The following UBASH3A variants were observed in gnomAD, a reference collection of about 807,000 sequenced individuals.
UBASH3A encodes the protein ubiquitin associated and SH3 domain containing A.
Under a neutral mutation model 73.5 loss-of-function variants are expected in UBASH3A, and 63 were observed. The observed-to-expected ratio is 0.86, with a 90% CI of 0.70 to 1.06. The LOEUF is 1.06. Ranked by LOEUF, UBASH3A falls within the 50% of genes least tolerant of loss-of-function variation. UBASH3A has a pLI of 0.00. For synonymous variants in UBASH3A, 363 were observed against 351.1 expected, an observed-to-expected ratio of 1.03 and a Z score of -0.38; for missense variants, 860 against 859.0, an observed-to-expected ratio of 1.00 and a Z score of -0.02.
intron 2 of UBASH3A, 97 bp downstream of exon 2, chr21:42,406,458 G>A (rs75916108): frequency 0.033 from 34,933 of 1,074,104 alleles, 717 homozygotes; most frequent in Non-Finnish European, 0.04. Flanking sequence ...GGAAGAGCCG[G>A]GCGCCTCTGG....
chr21:42,419,433 A>G (rs1433379249), intron 7 of UBASH3A, among the ~76,000 whole-genome samples: 1 of 152,226 alleles, frequency 6.6e-6, no homozygotes, highest in Non-Finnish European at 1.5e-5. Flanking sequence ...GACCAACATC[A>G]TCGCTTACAA....
In UBASH3A at chr21:42,434,888, G is replaced by A. The variant is rs2053599692; in HGVS notation, c.1327G>A (p.Gly443Arg). The change falls in exon 10 of 15, where the codon GGG (glycine) becomes AGG (arginine). Residue 443 changes from glycine (G) to arginine (R), a missense_variant. By Grantham distance (125) the Gly-to-Arg change is moderately radical. Coordinates refer to ENST00000319294, the MANE Select transcript of UBASH3A (RefSeq NM_018961.4). ...CTGCAGTCTGCCAAGACGGAGTCGT[G>A]GGATCAAAGACTTTGAAAACGATCC... ...FPCSLPRRSR[G>R]IKDFENDPPL... is the part of the protein sequence containing the mutation. The A allele has an allele frequency of 3.7e-6, 6 of 1,614,184 alleles. No homozygotes were observed. The East Asian group carries it at 1.3e-4, about 36-fold the overall frequency.
In UBASH3A at chr21:42,422,693, A is replaced by G. The variant is rs1601579622; in HGVS notation, c.1047-4004A>G. On this transcript the variant is annotated intron_variant, in intron 7 of 14. Transcript: ENST00000319294. ...TAAAATAATTAAAAGGGAGAATTTT[A>G]TATATTGATTTGAAAAAATATGCAA... 2.0e-5 allele frequency among the ~76,000 whole-genome samples: 3 copies of G among 152,382 alleles called. No homozygotes were observed. The East Asian group carries it at 5.8e-4, about 29-fold the overall frequency.
At chr21:42,427,983 A>C (rs148346247) in intron 8 of UBASH3A, among the ~76,000 whole-genome samples, 1 of 152,244 alleles carries the variant, frequency 6.6e-6, no homozygotes, top group African/African-American at 2.4e-5. Context: ...GCCTTTAAAG[A>C]GGTATTTAAG....
rs1293122541 is a variant in UBASH3A at position 42,434,860 on chromosome 21, C to T, written c.1299C>T (p.Phe433=). Residue 433 remains phenylalanine, a synonymous_variant, in exon 10 of 15, where the codon TTC becomes TTT. Transcript: ENST00000319294. The part of the protein sequence containing the change: ...DGKYYRPDLN[F]PCSLPRRSRG... ...AATACTACAGGCCAGACCTGAATTT[C>T]CCCTGCAGTCTGCCAAGACGGAGTC... is the stretch of plus-strand genomic sequence containing the variant. The T allele has an allele frequency of 8.1e-6, 13 of 1,614,142 alleles. No homozygotes were observed. The highest frequency in any genetic ancestry group is 3.3e-4 in the Middle Eastern group (2 of 6,062).
chr21:42,405,089 C>T (rs1273577744), intron 1 of UBASH3A, among the ~76,000 whole-genome samples: 1 of 152,186 alleles, frequency 6.6e-6, no homozygotes, highest in Non-Finnish European at 1.5e-5. Context: ...TTTCCTTCCA[C>T]ACTATAACAA....
intron 11 of UBASH3A, 60 bp downstream of exon 11, chr21:42,437,640 G>A (rs991630958): frequency 7.4e-6 from 11 of 1,480,620 alleles, no homozygotes; most frequent in Non-Finnish European, 9.4e-6. Flanking sequence ...ATTCTCCAAG[G>A]GGAGTGGGAA....
intron 1 of UBASH3A, among the ~76,000 whole-genome samples, chr21:42,404,392 T>G (rs1487560733): frequency 6.6e-6 from 1 of 152,220 alleles, no homozygotes; most frequent in East Asian, 1.9e-4. Flanking sequence ...AGATTTTTTT[T>G]TTAGCTCATT....
chr21:42,424,988 G>A (rs1472291196), intron 7 of UBASH3A, among the ~76,000 whole-genome samples: 3 of 152,158 alleles, frequency 2.0e-5, no homozygotes, highest in Non-Finnish European at 4.4e-5. Context: ...CTCAATGGTG[G>A]CTTGACCTCA....
At chr21:42,440,194 C>T (rs992993358) in intron 11 of UBASH3A, among the ~76,000 whole-genome samples, 1 of 152,238 alleles carries the variant, frequency 6.6e-6, no homozygotes, top group Non-Finnish European at 1.5e-5. Context: ...CAGGTCCAGC[C>T]TTCGTGTTTT....
At position 42,418,570 on chromosome 21, in the gene UBASH3A, C is replaced by T. The variant is rs141628178; in HGVS notation, c.1007C>T (p.Thr336Met). 1.6e-4 allele frequency: 256 copies of T among 1,614,122 alleles called. No homozygotes were observed. Among genetic ancestry groups the T allele is most frequent in the Non-Finnish European group, 1.9e-4 (227 of 1,180,016 alleles). The change falls in exon 7 of 15, where the codon ACG (threonine) becomes ATG (methionine). Residue 336 changes from threonine to methionine, a missense_variant. Thr to Met is a moderately conservative substitution (Grantham distance 81). Transcript: ENST00000319294. ...CGGGGCTTCCTGCCGGAAAACTACA[C>T]GGATCGAGCCAGTGAGTCTGACACG... Reference protein sequence around the residue: ...GCRGFLPENYTDRASESDTWV... With the variant: ...GCRGFLPENYMDRASESDTWV...
At chr21:42,406,520 A>G (rs926601544) in intron 2 of UBASH3A, among the ~76,000 whole-genome samples, 159 bp downstream of exon 2, 5 of 152,194 alleles carry the variant, frequency 3.3e-5, no homozygotes, top group African/African-American at 9.7e-5. Flanking sequence ...CTGCCTACCC[A>G]TAGTGCACTG....
intron 14 of UBASH3A, 46 bp downstream of exon 14, chr21:42,444,689 C>T (rs373739554): frequency 2.5e-5 from 36 of 1,417,478 alleles, no homozygotes; most frequent in Admixed American, 5.0e-5. Flanking sequence ...TCAAGCATCC[C>T]GAAGACACAG....
rs77081140 is a variant in UBASH3A, at chr21:42,404,292, C to T, written c.113+234C>T. ...GGCCCAGGACAGCTTTGGGCTTAAG[C>T]CATCATCCCACCTCAGCCTCCTAAG... is the stretch of plus-strand genomic sequence containing the variant. On this transcript the variant is annotated intron_variant, in intron 1 of 14. Coordinates refer to ENST00000319294, the MANE Select transcript of UBASH3A (RefSeq NM_018961.4). 9.7e-4 allele frequency: 342 copies of T among 351,780 alleles called. 2 individuals are homozygous for T. The highest frequency in any genetic ancestry group is 6.8e-3 in the African/African-American group (323 of 47,832). 21.8% of individuals were successfully genotyped at this position (351,780 alleles called of 1,614,324 possible).
intron 3 of UBASH3A, chr21:42,410,623 A>G (rs1185780867): frequency 1.1e-5 from 2 of 179,910 alleles, no homozygotes; most frequent in Admixed American, 6.2e-5. Flanking sequence ...TTCCCCCTAC[A>G]TCGACATCAA....
At chr21:42,428,075 A>G (rs1258592952) in intron 8 of UBASH3A, among the ~76,000 whole-genome samples, 1 of 152,138 alleles carries the variant, frequency 6.6e-6, no homozygotes, top group East Asian at 1.9e-4. Flanking sequence ...GGAAACAGAC[A>G]CACAAGAGGG....
intron 2 of UBASH3A, among the ~76,000 whole-genome samples, chr21:42,409,123 G>C (rs998252651): frequency 6.6e-6 from 1 of 152,028 alleles, no homozygotes; most frequent in Non-Finnish European, 1.5e-5. Context: ...TGGAAGACCA[G>C]GTTTTAGGTC....
At chr21:42,419,735 G>A (rs1005232337) in intron 7 of UBASH3A, among the ~76,000 whole-genome samples, 2 of 152,194 alleles carry the variant, frequency 1.3e-5, no homozygotes, top group African/African-American at 4.8e-5. Context: ...ATTTCATAAT[G>A]TTACGAAAGT....
intron 1 of UBASH3A, among the ~76,000 whole-genome samples, chr21:42,405,916 G>C (rs1052409729): frequency 6.6e-6 from 1 of 151,116 alleles, no homozygotes; most frequent in Non-Finnish European, 1.5e-5. Flanking sequence ...GCTGATGCTG[G>C]GGTGAGGAAA....
Sources: allele counts gnomAD v4.1 joint callset (sites outside exome capture counted in the v4.1 genomes callset), GRCh38; gene constraint gnomAD v4.1.1; transcripts MANE v1.5; gene names NCBI Gene and HGNC (gene_info 2026-07-23, HGNC 2026-07-21).